SMC5: variants seen among roughly 807,000 people sequenced by gnomAD.
SMC5 encodes the protein structural maintenance of chromosomes 5.
SMC5 carries 88 observed loss-of-function variants against 148.3 expected under a neutral mutation model. The ratio of observed to expected loss-of-function variants is 0.59; its 90% confidence interval spans 0.50 to 0.71. The LOEUF (loss-of-function observed/expected upper bound fraction) is 0.71. Among genes scored for constraint, SMC5 ranks in the 30% least tolerant of loss-of-function variants. The pLI is 0.00. For synonymous variants in SMC5, 421 were observed against 432.8 expected, an observed-to-expected ratio of 0.97 and a Z score of 0.34; for missense variants, 1,142 against 1,298.9, an observed-to-expected ratio of 0.88 and a Z score of 1.86.
At chr9:70,300,023 T>C (rs2118406548) in intron 9 of SMC5, 23 bp from the exon 10 acceptor site, 1 of 1,537,202 alleles carries the variant, frequency 6.5e-7, no homozygotes, top group East Asian at 2.4e-5. Flanking sequence ...GAAACAAGAC[T>C]TTGTTTTGTT....
At chr9:70,343,023 C>T (rs1222590296) in intron 17 of SMC5, among the ~76,000 whole-genome samples, 1 of 152,174 alleles carries the variant, frequency 6.6e-6, no homozygotes, top group Non-Finnish European at 1.5e-5. Flanking sequence ...CAATCTGCTC[C>T]TGCTGAGAGG....
chr9:70,289,273 A>G (rs777726452), intron 8 of SMC5, among the ~76,000 whole-genome samples: 3 of 152,096 alleles, frequency 2.0e-5, no homozygotes, highest in Non-Finnish European at 4.4e-5. Context: ...CCTGACCTCA[A>G]GTGATCCACC....
intron 10 of SMC5, among the ~76,000 whole-genome samples, chr9:70,300,858 G>A (rs1263409046): frequency 4.6e-5 from 7 of 152,080 alleles, no homozygotes; most frequent in African/African-American, 1.7e-4. Flanking sequence ...ATATGTTAGA[G>A]CAAACTTAAA....
intron 8 of SMC5, among the ~76,000 whole-genome samples, chr9:70,292,134 A>T (rs1013331660): frequency 1.3e-5 from 2 of 152,114 alleles, no homozygotes; most frequent in Admixed American, 1.3e-4. Context: ...CAGTGTTCTC[A>T]TCACTTTTAT....
chr9:70,278,623 G>C lies in SMC5; in HGVS notation c.676G>C (p.Glu226Gln), dbSNP rs141003657. 5 of 1,598,386 alleles carry C rather than the reference G, an allele frequency of 3.1e-6. No individual in the cohort carries two copies. The East Asian group carries it at 1.1e-4, about 36-fold the overall frequency. ...KNLREKEKQL[E>Q]TSCKEKTEYL... ...CTTAAGGGAGAAAGAAAAACAGCTCGAGGTACTTTAAATAGACAACTCATT... is the reference window on the plus strand; with the variant it reads ...CTTAAGGGAGAAAGAAAAACAGCTCCAGGTACTTTAAATAGACAACTCATT... Residue 226 changes from glutamate (E) to glutamine (Q), a missense_variant and splice_region_variant, in exon 5 of 25, where the codon GAG becomes CAG. Glu to Gln is a conservative substitution (Grantham distance 29). Coordinates refer to ENST00000361138, the MANE Select transcript of SMC5 (RefSeq NM_015110.4).
In SMC5 at chr9:70,264,335, C is replaced by A. The variant is rs759486297; in HGVS notation, c.217C>A (p.Pro73Thr). 22 of 1,613,764 alleles carry A rather than the reference C, an allele frequency of 1.4e-5. No homozygotes were observed. Among genetic ancestry groups the A allele is most frequent in the South Asian group, 1.1e-5 (1 of 91,062 alleles). Reference sequence around the variant, plus strand: ...TGATATTTGTGAAGTATCTCCTGGACCCCACTTGAATATGATCGTTGGAGC... The same window carrying A: ...TGATATTTGTGAAGTATCTCCTGGAACCCACTTGAATATGATCGTTGGAGC... ...TYDICEVSPG[P>T]HLNMIVGANG... The change falls in exon 2 of 25, where the codon CCC becomes ACC. Residue 73 changes from proline (P) to threonine (T), a missense_variant. Physicochemically the swap from Pro to Thr is conservative, Grantham distance 38. Around this residue, in one of 5 missense-constraint regions of SMC5, gnomAD observed 297 missense variants for 302.6 expected, o/e 0.98. Coordinates refer to ENST00000361138, the MANE Select transcript of SMC5 (RefSeq NM_015110.4).
intron 4 of SMC5, 111 bp downstream of exon 4, chr9:70,277,583 T>TA (rs1385750035): frequency 5.2e-6 from 4 of 775,656 alleles, no homozygotes; most frequent in East Asian, 6.3e-5. Context: ...ATAGCACTCT[T>TA]ACAGTTCTTT....
intron 13 of SMC5, among the ~76,000 whole-genome samples, chr9:70,318,079 T>C (rs913732994): frequency 6.6e-6 from 1 of 152,076 alleles, no homozygotes; most frequent in African/African-American, 2.4e-5. Flanking sequence ...TGAAATTTTG[T>C]TGGATAGGTT....
At chr9:70,278,396 G>A in intron 4 of SMC5, 95 bp from the exon 5 acceptor site, 2 of 1,234,926 alleles carry the variant, frequency 1.6e-6, no homozygotes, top group Middle Eastern at 2.0e-4. Flanking sequence ...TTTTTAATGA[G>A]TTTCACCTTG....
chr9:70,314,703 A>G (rs929174651), intron 11 of SMC5, 39 bp from the exon 12 acceptor site: 1 of 1,088,674 alleles, frequency 9.2e-7, no homozygotes. Context: ...TAGAGAATAT[A>G]TGGTAATTAA....
At position 70,310,475 on chromosome 9, in the gene SMC5, G is replaced by C. The variant is rs572902036; in HGVS notation, c.1579-4267G>C. Among the ~76,000 whole-genome samples the C allele has an allele frequency of 1.2e-3, 179 of 152,280 alleles. 1 individual carries two copies. The highest frequency in any genetic ancestry group is 6.5e-3 in the Admixed American group (100 of 15,298). On this transcript the variant is annotated intron_variant, in intron 11 of 24. Transcript: ENST00000361138. Reference sequence around the variant, plus strand: ...TACTCAGTAAACCATGCTGTAAATAGATGTGCTGTCATCCAGGCTTTGTTG... The same window carrying C: ...TACTCAGTAAACCATGCTGTAAATACATGTGCTGTCATCCAGGCTTTGTTG...
intron 7 of SMC5, among the ~76,000 whole-genome samples, chr9:70,284,170 C>T (rs1445081460): frequency 1.3e-5 from 2 of 152,166 alleles, no homozygotes; most frequent in African/African-American, 4.8e-5. Context: ...GTGGGAAAAG[C>T]TCCACTATAT....
Position 70,352,295 on chromosome 9 carries a change from G to C in SMC5, c.3270G>C (p.Arg1090Ser). ...PNTWNLKAFQ[R>S]RRRRITFTQP... ...CATGGAATTTAAAGGCTTTCCAAAGGCGGCGGCGCCGTATTACATTCACTC... is the reference window on the plus strand; with the variant it reads ...CATGGAATTTAAAGGCTTTCCAAAGCCGGCGGCGCCGTATTACATTCACTC... The change falls in exon 25 of 25, where the codon AGG (arginine) becomes AGC (serine). Residue 1090 changes from arginine to serine, a missense_variant. Coordinates refer to ENST00000361138, the MANE Select transcript of SMC5 (RefSeq NM_015110.4). 1.2e-6 allele frequency: 2 copies of C among 1,612,598 alleles called. No homozygotes were observed. Among genetic ancestry groups the C allele is most frequent in the South Asian group, 2.2e-5 (2 of 90,744 alleles).
At chr9:70,263,705 G>C (rs772015600) in intron 1 of SMC5, among the ~76,000 whole-genome samples, 3 of 152,184 alleles carry the variant, frequency 2.0e-5, no homozygotes, top group Non-Finnish European at 2.9e-5. Flanking sequence ...GGCTGGCTTT[G>C]ACCTCCTAGG....
At position 70,354,785 on chromosome 9, in the gene SMC5, C is replaced by T. The variant is rs1211085705; in HGVS notation, c.*2454C>T. 1.3e-5 allele frequency: 2 copies of T among 152,062 alleles called. No homozygotes were observed. Among genetic ancestry groups the T allele is most frequent in the Non-Finnish European group, 2.9e-5 (2 of 68,004 alleles). 9.4% of individuals were successfully genotyped at this position (152,062 alleles called of 1,614,324 possible). ...CCTTTAGATGTGAAAAATGTAATTT[C>T]ATTCTGCTATTGTGTGTGCTTGTGT... On this transcript the variant is annotated 3_prime_UTR_variant, in exon 25 of 25. Coordinates refer to ENST00000361138, the MANE Select transcript of SMC5 (RefSeq NM_015110.4).
intron 17 of SMC5, among the ~76,000 whole-genome samples, chr9:70,332,133 T>TG (rs1361152038): frequency 3.9e-5 from 6 of 152,190 alleles, no homozygotes; most frequent in Non-Finnish European, 2.9e-5. Context: ...ACTAACCTTA[T>TG]ATTTATTTAA....
chr9:70,298,505 C>T (rs1302586305), intron 9 of SMC5, among the ~76,000 whole-genome samples: 1 of 152,082 alleles, frequency 6.6e-6, no homozygotes, highest in East Asian at 1.9e-4. Flanking sequence ...CTCACTATTA[C>T]TCATATCAAA....
chr9:70,293,352 T>C (rs1190753782), intron 8 of SMC5, among the ~76,000 whole-genome samples: 1 of 143,154 alleles, frequency 7.0e-6, no homozygotes, highest in Non-Finnish European at 1.5e-5. Flanking sequence ...CCCCTACTCT[T>C]TTTTTAGTTA....
At chr9:70,286,065 T>C (rs1302283174) in intron 7 of SMC5, 135 bp from the exon 8 acceptor site, 1 of 649,054 alleles carries the variant, frequency 1.5e-6, no homozygotes, top group East Asian at 2.7e-5. Context: ...TGTTGGTATT[T>C]TGTTGATAAT....
Sources: allele counts gnomAD v4.1 joint callset (sites outside exome capture counted in the v4.1 genomes callset), GRCh38; gene constraint gnomAD v4.1.1; regional missense constraint gnomAD v4.1.1; transcripts MANE v1.5; gene names NCBI Gene and HGNC (gene_info 2026-07-23, HGNC 2026-07-21).